Variants in DNAJB4 observed in about 807,000 individuals in gnomAD.
DNAJB4 encodes the protein DnaJ heat shock protein family (Hsp40) member B4.
A neutral mutation model predicts 26.6 loss-of-function variants in DNAJB4; 10 were observed. That is an observed-to-expected ratio of 0.38 (90% CI 0.23 to 0.64). The LOEUF is 0.64. Ranked by LOEUF, DNAJB4 falls within the 30% of genes least tolerant of loss-of-function variation. The pLI is 0.58. For missense variants in DNAJB4, 328 were observed against 408.2 expected (o/e 0.80, Z 1.69); for synonymous variants, 136 against 134.8 (o/e 1.01, Z -0.06).
At chr1:77,996,431 A>G (rs1224845842) in intron 1 of DNAJB4, among the ~76,000 whole-genome samples, 1 of 152,186 alleles carries the variant, frequency 6.6e-6, no homozygotes, top group African/African-American at 2.4e-5. Context: ...CTGGGATTAC[A>G]GGTGTAAGCT....
At chr1:77,986,383 C>T (rs1659791193) in intron 1 of DNAJB4, among the ~76,000 whole-genome samples, 1 of 152,228 alleles carries the variant, frequency 6.6e-6, no homozygotes, top group African/African-American at 2.4e-5. Context: ...TAAAAATCTT[C>T]AAGTCTGATA....
chr1:77,980,464 A>G (rs979594802), intron 1 of DNAJB4: 3 of 151,894 alleles, frequency 2.0e-5, no homozygotes, highest in Admixed American at 2.0e-4. Context: ...CATGTAATTT[A>G]CTGTGTTAAT....
In DNAJB4 at chr1:78,016,520, G is replaced by A. The variant is rs901730310; in HGVS notation, c.*273G>A. ...TATATGTAAAAGTTGTTTTTGTGGA[G>A]TCAGTGGATATATTTCTAATGAAGT... is the stretch of plus-strand genomic sequence containing the variant. On this transcript the variant is annotated 3_prime_UTR_variant, in exon 3 of 3. Coordinates refer to ENST00000370763, the MANE Select transcript of DNAJB4 (RefSeq NM_007034.5). 4.9e-6 allele frequency: 2 copies of A among 407,318 alleles called. No homozygotes were observed. The highest frequency in any genetic ancestry group is 4.4e-6 in the Non-Finnish European group (1 of 227,714). The allele number at this position is 407,318 out of a possible 1,614,324, so 25.2% of individuals were successfully genotyped here.
intron 1 of DNAJB4, among the ~76,000 whole-genome samples, chr1:77,999,700 C>T (rs538104246): frequency 5.3e-5 from 8 of 152,120 alleles, no homozygotes; most frequent in Non-Finnish European, 8.8e-5. Context: ...AGTGCTGACA[C>T]ATGTACTATC....
intron 1 of DNAJB4, among the ~76,000 whole-genome samples, chr1:77,985,665 A>G (rs1296819603): frequency 6.6e-6 from 1 of 152,150 alleles, no homozygotes; most frequent in Non-Finnish European, 1.5e-5. Flanking sequence ...ATGCACTTTG[A>G]TATAAATGAA....
chr1:77,999,099 T>C (rs1660132351), intron 1 of DNAJB4, among the ~76,000 whole-genome samples: 1 of 152,212 alleles, frequency 6.6e-6, no homozygotes, highest in Non-Finnish European at 1.5e-5. Context: ...TTACTGGTTT[T>C]TTAGGAAATT....
At chr1:77,996,967 G>A (rs112742784) in intron 1 of DNAJB4, among the ~76,000 whole-genome samples, 5 of 152,264 alleles carry the variant, frequency 3.3e-5, no homozygotes, top group Middle Eastern at 3.4e-3. Flanking sequence ...AACCACAGGC[G>A]TGAGCCACAG....
chr1:78,005,251 G>A lies in DNAJB4; in HGVS notation c.141G>A (p.Glu47=). The A allele has an allele frequency of 6.2e-7, 1 of 1,614,068 alleles. No individual in the cohort carries two copies. Among genetic ancestry groups the A allele is most frequent in the Non-Finnish European group, 8.5e-7 (1 of 1,179,976 alleles). The change falls in exon 1 of 3, where the codon GAG becomes GAA. Residue 47 remains glutamate, a synonymous_variant. Transcript: ENST00000370763. Reference sequence around the variant, plus strand: ...CTCAGGCAGAGGAAAAATTTAAAGAGGTCGCAGAAGCTTATGAAGTATTGA... The same window carrying A: ...CTCAGGCAGAGGAAAAATTTAAAGAAGTCGCAGAAGCTTATGAAGTATTGA... ...KSPQAEEKFK[E]VAEAYEVLSD... is the part of the protein sequence containing the mutation.
rs1347622947 is a variant in DNAJB4, at chr1:78,016,791, A to T, written c.*544A>T. On this transcript the variant is annotated 3_prime_UTR_variant, in exon 3 of 3. Transcript: ENST00000370763. ...CATTTTGATTTTTAAAGTATGCTGT[A>T]GCATTTCTTAATAACATCGTTGTGA... 1 of 152,420 alleles carries T rather than the reference A, an allele frequency of 6.6e-6. No homozygotes were observed. Among genetic ancestry groups the T allele is most frequent in the Non-Finnish European group, 1.5e-5 (1 of 68,210 alleles). 9.4% of individuals were successfully genotyped at this position (152,420 alleles called of 1,614,324 possible). A position where few individuals can be genotyped will look rare whatever the true frequency, so the allele number is the denominator to read the frequency against.
rs183696182 is a variant in DNAJB4, at chr1:78,012,938, T to C, written c.212-113T>C. The C allele has an allele frequency of 2.9e-3, 2,522 of 858,164 alleles. 37 individuals are homozygous for C. Among genetic ancestry groups the C allele is most frequent in the Non-Finnish European group, 1.7e-3 (996 of 570,910 alleles). 53.2% of individuals were successfully genotyped at this position (858,164 alleles called of 1,614,324 possible). A position where few individuals can be genotyped will look rare whatever the true frequency, so the allele number is the denominator to read the frequency against. On this transcript the variant is annotated intron_variant, in intron 1 of 2. Transcript: ENST00000370763. The stretch of plus-strand genomic sequence containing the variant: ...TTAGTAAAGTGGCATTTCTGGCCAA[T>C]ATTAATACATTTTAATGTAAGTTAG...
upstream of DNAJB4, among the ~76,000 whole-genome samples, chr1:78,000,477 C>T (rs891367751): frequency 6.6e-6 from 1 of 152,176 alleles, no homozygotes; most frequent in Non-Finnish European, 1.5e-5. Flanking sequence ...AACCCAGGCA[C>T]TCCAGCTCCA....
intron 2 of DNAJB4, among the ~76,000 whole-genome samples, chr1:78,014,843 CG>C (rs573300208): frequency 7.3e-4 from 111 of 152,214 alleles, no homozygotes; most frequent in African/African-American, 2.5e-3. Flanking sequence ...TCAAGTAATC[CG>C]CCCACCTCGG....
chr1:77,999,149 C>T (rs2102599875), intron 1 of DNAJB4, among the ~76,000 whole-genome samples: 1 of 152,022 alleles, frequency 6.6e-6, no homozygotes, highest in African/African-American at 2.4e-5. Flanking sequence ...TATTAAATGG[C>T]CAATAATTTG....
chr1:77,983,822 C>A (rs1344821625), intron 1 of DNAJB4, among the ~76,000 whole-genome samples: 1 of 152,222 alleles, frequency 6.6e-6, no homozygotes, highest in African/African-American at 2.4e-5. Flanking sequence ...TCTGATCTCT[C>A]TTGCTTTTCC....
chr1:78,001,691 T>A (rs916817465), upstream of DNAJB4, among the ~76,000 whole-genome samples: 11 of 152,202 alleles, frequency 7.2e-5, no homozygotes, highest in African/African-American at 1.4e-4. Flanking sequence ...TTCCATTTTT[T>A]AAAAAAATTA....
chr1:77,981,378 A>C (rs530252198), intron 1 of DNAJB4: 1 of 151,228 alleles, frequency 6.6e-6, no homozygotes, highest in Non-Finnish European at 1.5e-5. Context: ...GTGCAGTGGC[A>C]TGATCTCGGC....
In DNAJB4 at chr1:78,005,067, TTC is replaced by T. The variant is rs770505305; in HGVS notation, c.-42_-41del. The T allele has an allele frequency of 5.7e-6, 9 of 1,583,446 alleles. No homozygotes were observed. In the East Asian group the frequency reaches 2.0e-4, roughly 35 times the overall value. On this transcript the variant is annotated 5_prime_UTR_variant, in exon 1 of 3. Coordinates refer to ENST00000370763, the MANE Select transcript of DNAJB4 (RefSeq NM_007034.5). ...TGTTGCTAAGACTGGGGACGCTGTT[TTC>T]TTTTACAAAGGGAAATCTAAGTTAA... is the stretch of plus-strand genomic sequence containing the variant.
intron 1 of DNAJB4, among the ~76,000 whole-genome samples, chr1:77,986,833 G>A (rs1482342950): frequency 6.6e-6 from 1 of 152,116 alleles, no homozygotes; most frequent in Admixed American, 6.5e-5. Context: ...TTGATGAGCA[G>A]CTCAACAATT....
chr1:78,000,188 A>G (rs1305308896), upstream of DNAJB4, among the ~76,000 whole-genome samples: 2 of 152,264 alleles, frequency 1.3e-5, no homozygotes, highest in East Asian at 3.9e-4. Flanking sequence ...TTTGTTATGC[A>G]TATGGTATAG....
Sources: gnomAD v4.1 joint callset for allele counts (sites outside exome capture counted in the v4.1 genomes callset) on GRCh38, gnomAD v4.1.1 for gene constraint, MANE v1.5 for transcripts, NCBI Gene and HGNC (gene_info 2026-07-23, HGNC 2026-07-21) for gene names.